The following DIS3 variants were observed in gnomAD, a reference collection of about 807,000 sequenced individuals.
DIS3 encodes exosome complex exonuclease RRP44.
In DIS3, 103 loss-of-function variants were observed where a neutral mutation model predicts 113.0. That is an observed-to-expected ratio of 0.91 (90% CI 0.78 to 1.07). DIS3 has a LOEUF of 1.07. Among genes scored for constraint, DIS3 ranks in the 50% least tolerant of loss-of-function variants. DIS3 has a pLI of 0.00. For missense variants in DIS3, 1,121 were observed against 1,167.1 expected, an observed-to-expected ratio of 0.96 and a Z score of 0.58; for synonymous variants, 402 against 394.3, an observed-to-expected ratio of 1.02 and a Z score of -0.23.
intron 15 of DIS3, among the ~76,000 whole-genome samples, chr13:72,764,997 CTAAG>C (rs1420721251): frequency 6.6e-6 from 1 of 152,084 alleles, no homozygotes; most frequent in African/African-American, 2.4e-5. Context: ...CATATTTACT[CTAAG>C]TAAAAAATTT....
rs1263929319 is a variant in DIS3 at position 72,760,549 on chromosome 13, T to C, written c.2773A>G (p.Met925Val). 1.9e-6 allele frequency: 3 copies of C among 1,613,636 alleles called. No individual in the cohort carries two copies. The highest frequency in any genetic ancestry group is 2.2e-5 in the South Asian group (2 of 91,068). ...SSNLQHQKIR[M>V]SLVEPQIPGI... ...CTTACCTGTGGTTCTACCAGGGACA[T>C]TCGGATCTTCTGATGTTGAAGATTA... is the stretch of plus-strand genomic sequence containing the variant. Residue 925 changes from methionine (M) to valine (V), a missense_variant, in exon 20 of 21, where the codon ATG becomes GTG. Met to Val is a conservative substitution (Grantham distance 21). Around this residue, in one of 3 missense-constraint regions of DIS3, gnomAD observed 861 missense variants for 915.5 expected, o/e 0.94. Transcript: ENST00000377767.
intron 2 of DIS3, among the ~76,000 whole-genome samples, chr13:72,779,599 GA>G (rs1384319724): frequency 8.5e-5 from 13 of 152,214 alleles, no homozygotes; most frequent in African/African-American, 2.4e-4. Flanking sequence ...TGAAGTTTGA[GA>G]TATAAGAATC....
In DIS3 at chr13:72,763,588, C is replaced by T. The variant is rs1174973874; in HGVS notation, c.1990G>A (p.Glu664Lys). The part of the protein sequence containing the change: ...KELRETNSMV[E>K]EFMLLANISV... ...ATATTGGCAAGTAACATAAATTCTT[C>T]AACCATGGAATTTGTTTCCCTGCCA... Residue 664 changes from glutamate to lysine, a missense_variant, in exon 16 of 21, where the codon GAA becomes AAA. This residue lies in a region of DIS3 where 861 missense variants were observed against 915.5 expected (regional missense o/e 0.94). Transcript: ENST00000377767. 2.5e-6 allele frequency: 4 copies of T among 1,611,536 alleles called. No homozygotes were observed. Among genetic ancestry groups the T allele is most frequent in the Non-Finnish European group, 3.4e-6 (4 of 1,179,226 alleles).
rs777319081 is a variant in DIS3, at chr13:72,781,613, G to C, written c.220C>G (p.Leu74Val). 6.6e-7 allele frequency: 1 copy of C among 1,522,284 alleles called. No homozygotes were observed. The highest frequency in any genetic ancestry group is 2.5e-5 in the East Asian group (1 of 40,412). The allele number at this position is 1,522,284 out of a possible 1,614,324, so 94.3% of individuals were successfully genotyped here. The change falls in exon 1 of 21, where the codon CTG becomes GTG. Residue 74 changes from leucine (L) to valine (V), a missense_variant. This residue lies in a region of DIS3 where 254 missense variants were observed against 232.2 expected (regional missense o/e 1.09). Coordinates refer to ENST00000377767, the MANE Select transcript of DIS3 (RefSeq NM_014953.5). ...HYLLPDTNVLLHQIDVLEDPA... is the reference protein window; with the variant it reads ...HYLLPDTNVLVHQIDVLEDPA... The stretch of plus-strand genomic sequence containing the variant: ...TTCGCCCGCCCACGCACCTGGTGCA[G>C]TAACACATTAGTGTCGGGCAGCAAG...
intron 15 of DIS3, among the ~76,000 whole-genome samples, chr13:72,763,879 T>A (rs950830379): frequency 7.9e-5 from 12 of 152,304 alleles, no homozygotes; most frequent in Non-Finnish European, 5.9e-5. Flanking sequence ...CCAGTTGCAG[T>A]GGCTCACACC....
intron 2 of DIS3, among the ~76,000 whole-genome samples, chr13:72,780,347 A>C (rs1007095914): frequency 7.0e-4 from 106 of 151,384 alleles, no homozygotes; most frequent in African/African-American, 2.5e-3. Context: ...AAAAAAAAAA[A>C]AAAGAATTCT....
chr13:72,775,398 C>A, intron 5 of DIS3, 23 bp from the exon 6 acceptor site: 2 of 1,556,950 alleles, frequency 1.3e-6, no homozygotes, highest in African/African-American at 2.8e-5. Flanking sequence ...ACAGAGGGCA[C>A]GTGCCCAAAT....
At chr13:72,769,551 A>G (rs1204896149) in intron 13 of DIS3, among the ~76,000 whole-genome samples, 1 of 151,556 alleles carries the variant, frequency 6.6e-6, no homozygotes, top group Non-Finnish European at 1.5e-5. Context: ...AATAAGAAAG[A>G]GCATAACAGA....
chr13:72,772,341 T>A (rs184148280), intron 9 of DIS3, 66 bp from the exon 10 acceptor site: 1 of 1,199,384 alleles, frequency 8.3e-7, no homozygotes, highest in Admixed American at 2.1e-5. Flanking sequence ...TATTAATAGC[T>A]CTTGTGAAAT....
chr13:72,781,222 C>A lies in DIS3; in HGVS notation c.229-219G>T, dbSNP rs965512645. ...CTTAAACAGACCAATCACAAGACTT[C>A]GTAGAATTAAGGGTATTAATAAAGG... On this transcript the variant is annotated intron_variant, in intron 1 of 20. Transcript: ENST00000377767. The A allele has an allele frequency of 4.6e-6, 7 of 1,526,522 alleles. No homozygotes were observed. The African/African-American group carries it at 5.5e-5, about 12-fold the overall frequency. The allele number at this position is 1,526,522 out of a possible 1,614,324, so 94.6% of individuals were successfully genotyped here.
chr13:72,758,318 T>C lies in DIS3; in HGVS notation c.*1477A>G, dbSNP rs1218881541. On this transcript the variant is annotated 3_prime_UTR_variant, in exon 21 of 21. Coordinates refer to ENST00000377767, the MANE Select transcript of DIS3 (RefSeq NM_014953.5). ...TCATGATTTTCACACAATGATGAAATTGCCAAGTGACATGTCTCAGAACAT... is the reference window on the plus strand; with the variant it reads ...TCATGATTTTCACACAATGATGAAACTGCCAAGTGACATGTCTCAGAACAT... The C allele has an allele frequency of 1.6e-5, 3 of 182,554 alleles. No homozygotes were observed. Among genetic ancestry groups the C allele is most frequent in the Non-Finnish European group, 3.5e-5 (3 of 85,698 alleles). 11.3% of individuals were successfully genotyped at this position (182,554 alleles called of 1,614,324 possible). A position where few individuals can be genotyped will look rare whatever the true frequency, so the allele number is the denominator to read the frequency against.
chr13:72,775,405 A>G, intron 5 of DIS3, 30 bp from the exon 6 acceptor site: 3 of 1,556,790 alleles, frequency 1.9e-6, no homozygotes. Context: ...GCACGTGCCC[A>G]AATTATTTTT....
Position 72,753,078 on chromosome 13 carries a change from AAAATATT to A in DIS3, c.*6710_*6716del, listed in dbSNP as rs2033322012. 1 of 152,206 alleles carries A rather than the reference AAAATATT, an allele frequency of 6.6e-6. No individual in the cohort carries two copies. Among genetic ancestry groups the A allele is most frequent in the Admixed American group, 6.5e-5 (1 of 15,276 alleles). 9.4% of individuals were successfully genotyped at this position (152,206 alleles called of 1,614,324 possible). On this transcript the variant is annotated 3_prime_UTR_variant, in exon 21 of 21. Coordinates refer to ENST00000377767, the MANE Select transcript of DIS3 (RefSeq NM_014953.5). ...GTATTAGGGTTGTTGAAAGGAGAAA[AAAATATT>A]AAATATATAGAGATAGTGCCTGGCC... is the stretch of plus-strand genomic sequence containing the variant.
chr13:72,767,550 A>T (rs980297073), intron 14 of DIS3, among the ~76,000 whole-genome samples: 1 of 152,164 alleles, frequency 6.6e-6, no homozygotes, highest in African/African-American at 2.4e-5. Context: ...CACATAAAAA[A>T]TTCCCTGAAA....
Position 72,773,986 on chromosome 13 carries a change from C to T in DIS3, c.1061G>A (p.Arg354Lys). Residue 354 changes from arginine to lysine, a missense_variant, in exon 7 of 21, where the codon AGA becomes AAA. By Grantham distance (26) the Arg-to-Lys change is conservative (BLOSUM62 2). Coordinates refer to ENST00000377767, the MANE Select transcript of DIS3 (RefSeq NM_014953.5). ...RVVGIIKRNWRPYCGMLSKSD... is the reference protein window; with the variant it reads ...RVVGIIKRNWKPYCGMLSKSD... The stretch of plus-strand genomic sequence containing the variant: ...CTTGGAAAGCATGCCACAATATGGT[C>T]TCCAATTCCTTTTTATTATTCCTAC... 1 of 1,612,750 alleles carries T rather than the reference C, an allele frequency of 6.2e-7. No homozygotes were observed.
At chr13:72,777,570 G>C in intron 3 of DIS3, 77 bp from the exon 4 acceptor site, 1 of 1,203,178 alleles carries the variant, frequency 8.3e-7, no homozygotes, top group African/African-American at 1.5e-5. Context: ...TCTTGTTTGC[G>C]ACAGTATACA....
chr13:72,760,204 AAAGTT>A (rs1419242254), intron 20 of DIS3, among the ~76,000 whole-genome samples: 2 of 152,134 alleles, frequency 1.3e-5, no homozygotes, highest in African/African-American at 4.8e-5. Context: ...GGGAAGGACA[AAAGTT>A]AAGAACCAGT....
chr13:72,760,781 T>C (rs1323743932), intron 19 of DIS3, 130 bp from the exon 20 acceptor site: 3 of 1,105,926 alleles, frequency 2.7e-6, no homozygotes, highest in Non-Finnish European at 3.7e-6. Context: ...GTGTTCAACA[T>C]AACAAAGGCC....
intron 16 of DIS3, among the ~76,000 whole-genome samples, chr13:72,762,384 C>A (rs547065481): frequency 7.9e-5 from 12 of 152,274 alleles, no homozygotes; most frequent in Non-Finnish European, 1.2e-4. Context: ...ATATACATCT[C>A]TTCTCTTAGG....
Sources: gnomAD v4.1 joint callset for allele counts (sites outside exome capture counted in the v4.1 genomes callset) on GRCh38, gnomAD v4.1.1 for gene constraint, gnomAD v4.1.1 regional missense constraint, MANE v1.5 for transcripts, NCBI Gene and HGNC (gene_info 2026-07-23, HGNC 2026-07-21) for gene names.